NWD2: variants seen among roughly 807,000 people sequenced by gnomAD.
The protein encoded by NWD2 is NACHT and WD repeat domain containing 2, also known as NACHT and WD repeat domain-containing protein 2.
A neutral mutation model predicts 132.7 loss-of-function variants in NWD2; 37 were observed. The ratio of observed to expected loss-of-function variants is 0.28; its 90% CI spans 0.21 to 0.37. NWD2 has a LOEUF of 0.37. Among genes scored for constraint, NWD2 ranks in the 10% least tolerant of loss-of-function variants. NWD2 has a pLI of 1.00. For missense variants in NWD2, 1,592 were observed against 2,122.4 expected (o/e 0.75, Z 4.91); for synonymous variants, 705 against 803.0 (o/e 0.88, Z 2.06).
chr4:37,430,486 A>G (rs1712137773), intron 3 of NWD2, 86 bp from the exon 4 acceptor site: 1 of 918,978 alleles, frequency 1.1e-6, no homozygotes, highest in African/African-American at 1.7e-5. Flanking sequence ...CTATTGATTA[A>G]TATTTATTCA....
At chr4:37,340,171 T>C (rs1719490588) in intron 2 of NWD2, among the ~76,000 whole-genome samples, 2 of 152,202 alleles carry the variant, frequency 1.3e-5, no homozygotes, top group Non-Finnish European at 2.9e-5. Flanking sequence ...TCTTTAAGTT[T>C]TAAGTCTCCA....
intron 3 of NWD2, among the ~76,000 whole-genome samples, chr4:37,386,895 T>A (rs1358122376): frequency 6.6e-6 from 1 of 152,134 alleles, no homozygotes; most frequent in East Asian, 1.9e-4. Flanking sequence ...GTCATGTCTG[T>A]TTCCTCTTCG....
At chr4:37,306,926 A>C (rs113015306) in intron 1 of NWD2, among the ~76,000 whole-genome samples, 11,657 of 151,848 alleles carry the variant, frequency 0.077, 520 homozygotes, top group East Asian at 0.11. Context: ...CGGAAGGCTG[A>C]GGCAGGAGAA....
chr4:37,427,792 AT>A (rs1712049409), intron 3 of NWD2, among the ~76,000 whole-genome samples: 1 of 152,122 alleles, frequency 6.6e-6, no homozygotes, highest in African/African-American at 2.4e-5. Flanking sequence ...AACCAGTTAT[AT>A]GAGATGGCTT....
At chr4:37,261,231 A>G (rs1205264290) in intron 1 of NWD2, among the ~76,000 whole-genome samples, 2 of 152,162 alleles carry the variant, frequency 1.3e-5, no homozygotes, top group East Asian at 1.9e-4. Context: ...GCATGGCTCA[A>G]CCAGCTGGCG....
intron 2 of NWD2, among the ~76,000 whole-genome samples, chr4:37,342,263 C>T (rs562879640): frequency 7.2e-5 from 11 of 152,182 alleles, no homozygotes; most frequent in Non-Finnish European, 1.5e-4. Context: ...GGCAGCTCCT[C>T]CTTTCTCTCT....
Position 37,392,958 on chromosome 4 carries a change from T to G in NWD2, c.357+36476T>G, listed in dbSNP as rs557228717. On this transcript the variant is annotated intron_variant, in intron 3 of 6. Coordinates refer to ENST00000309447, the MANE Select transcript of NWD2 (RefSeq NM_001144990.2). ...GGATGTCTGTGAATGTTGTGGACGC[T>G]TCAGAAATTCTCTTGACCCAAATCT... Among the ~76,000 whole-genome samples, 10 of 152,316 alleles carry G rather than the reference T, an allele frequency of 6.6e-5. No individual in the cohort carries two copies. In the South Asian group the frequency reaches 2.1e-3, roughly 32 times the overall value.
chr4:37,397,993 T>C (rs1015208337), intron 3 of NWD2, among the ~76,000 whole-genome samples: 1 of 152,228 alleles, frequency 6.6e-6, no homozygotes, highest in Admixed American at 6.5e-5. Context: ...AAACATGCAT[T>C]GAAGCAGCAC....
chr4:37,377,663 G>A (rs138654904), intron 3 of NWD2, among the ~76,000 whole-genome samples: 2,297 of 152,268 alleles, frequency 0.015, 73 homozygotes, highest in East Asian at 0.12. Context: ...CCCAGGAGGC[G>A]GAGGTTGCGG....
At chr4:37,317,700 T>C (rs1051689312) in intron 1 of NWD2, among the ~76,000 whole-genome samples, 12 of 152,228 alleles carry the variant, frequency 7.9e-5, no homozygotes, top group African/African-American at 2.9e-4. Flanking sequence ...TTTAAAATGG[T>C]TATTTTGACA....
chr4:37,445,525 G>C lies in NWD2; in HGVS notation c.3537G>C (p.Leu1179=). The C allele has an allele frequency of 6.4e-7, 1 of 1,551,950 alleles. No homozygotes were observed. The highest frequency in any genetic ancestry group is 8.7e-7 in the Non-Finnish European group (1 of 1,147,056). ...WNTEDISSPQ[L]TDDFDCRRED... The stretch of plus-strand genomic sequence containing the variant: ...CTGAGGACATTTCCAGCCCCCAGCT[G>C]ACTGATGACTTTGATTGCCGAAGAG... Residue 1179 remains leucine, a synonymous_variant, in exon 7 of 7, where the codon CTG becomes CTC. Transcript: ENST00000309447. The surrounding 1 kb of genome is among the most constrained non-coding windows in gnomAD (Gnocchi z 4.7).
intron 2 of NWD2, among the ~76,000 whole-genome samples, chr4:37,340,235 T>G (rs1441815685): frequency 6.6e-6 from 1 of 152,200 alleles, no homozygotes; most frequent in Non-Finnish European, 1.5e-5. Flanking sequence ...ATGTCACATT[T>G]CTGTCTTTGC....
intron 1 of NWD2, among the ~76,000 whole-genome samples, chr4:37,273,802 A>T (rs6816313): frequency 0.12 from 17,727 of 152,192 alleles, 1,116 homozygotes; most frequent in Middle Eastern, 0.15. Flanking sequence ...AACTACATGG[A>T]AACTGAACAA....
chr4:37,295,367 C>G (rs968826921), intron 1 of NWD2, among the ~76,000 whole-genome samples: 2 of 152,176 alleles, frequency 1.3e-5, no homozygotes, highest in Non-Finnish European at 2.9e-5. Flanking sequence ...TAAAGGAGCT[C>G]ATTCTGTGTG....
chr4:37,334,747 C>G (rs1719364951), intron 2 of NWD2, among the ~76,000 whole-genome samples: 1 of 152,146 alleles, frequency 6.6e-6, no homozygotes, highest in Non-Finnish European at 1.5e-5. Context: ...AGCCCCTGAG[C>G]TTTACATCAC....
At chr4:37,348,753 A>G (rs1188000546) in intron 2 of NWD2, among the ~76,000 whole-genome samples, 1 of 148,448 alleles carries the variant, frequency 6.7e-6, no homozygotes, top group Non-Finnish European at 1.5e-5. Flanking sequence ...TTACATAGGT[A>G]TACACGTGCC....
At chr4:37,389,660 C>T (rs774775519) in intron 3 of NWD2, among the ~76,000 whole-genome samples, 10 of 152,156 alleles carry the variant, frequency 6.6e-5, no homozygotes, top group Non-Finnish European at 8.8e-5. Context: ...GAATACCCAA[C>T]GCAGATGGAG....
intron 2 of NWD2, among the ~76,000 whole-genome samples, chr4:37,350,356 C>T (rs1331387048): frequency 6.6e-6 from 1 of 152,126 alleles, no homozygotes; most frequent in Non-Finnish European, 1.5e-5. Context: ...TCTCTTACTT[C>T]CTTGAGCAGT....
At chr4:37,248,907 A>G (rs1210143729) in intron 1 of NWD2, among the ~76,000 whole-genome samples, 2 of 152,192 alleles carry the variant, frequency 1.3e-5, no homozygotes, top group East Asian at 3.9e-4. Flanking sequence ...ATTTTGAGGA[A>G]AAATACTTAC....
Sources: gnomAD v4.1 joint callset for allele counts (sites outside exome capture counted in the v4.1 genomes callset) on GRCh38, gnomAD v4.1.1 for gene constraint, Gnocchi (gnomAD v3.1) non-coding constraint, MANE v1.5 for transcripts, NCBI Gene and HGNC (gene_info 2026-07-23, HGNC 2026-07-21) for gene names.